CADM2: variants seen among roughly 807,000 people sequenced by gnomAD.
CADM2 encodes the protein immunoglobulin superfamily member 4D.
CADM2 carries 12 observed loss-of-function variants against 49.8 expected under a neutral mutation model. The ratio of observed to expected loss-of-function variants is 0.24; its 90% CI spans 0.15 to 0.39. The LOEUF is 0.39. Among genes scored for constraint, CADM2 ranks in the 10% least tolerant of loss-of-function variants. The pLI, the probability that CADM2 is intolerant of heterozygous loss-of-function variation, is 1.00. For missense variants in CADM2, 378 were observed against 492.3 expected (o/e 0.77, Z 2.20); for synonymous variants, 214 against 175.4 (o/e 1.22, Z -1.74).
chr3:85,906,765 A>T (rs1014797584), intron 5 of CADM2, among the ~76,000 whole-genome samples: 1 of 152,232 alleles, frequency 6.6e-6, no homozygotes, highest in Non-Finnish European at 1.5e-5. Context: ...TATAGCCACT[A>T]TGTTTGGTCT....
chr3:85,876,272 T>G (rs1289887629), intron 3 of CADM2, among the ~76,000 whole-genome samples: 1 of 152,174 alleles, frequency 6.6e-6, no homozygotes, highest in East Asian at 1.9e-4. Context: ...CTATAAAATA[T>G]AATGAATTAT....
chr3:85,277,444 A>G (rs879271282), intron 1 of CADM2, among the ~76,000 whole-genome samples: 1 of 151,332 alleles, frequency 6.6e-6, no homozygotes, highest in Non-Finnish European at 1.5e-5. Context: ...AGTCACTTAT[A>G]TAATACCCAG....
intron 1 of CADM2, among the ~76,000 whole-genome samples, chr3:85,108,385 A>T (rs566146078): frequency 6.6e-6 from 1 of 152,220 alleles, no homozygotes; most frequent in Non-Finnish European, 1.5e-5. Flanking sequence ...AATTTCTGGT[A>T]CATGCTAGGG....
At chr3:85,005,696 A>C (rs933682180) in intron 1 of CADM2, among the ~76,000 whole-genome samples, 4 of 152,086 alleles carry the variant, frequency 2.6e-5, no homozygotes, top group African/African-American at 9.7e-5. Context: ...TCTGATAAAA[A>C]AAAAAATACA....
At chr3:85,872,664 G>A (rs1273421488) in intron 3 of CADM2, among the ~76,000 whole-genome samples, 2 of 149,298 alleles carry the variant, frequency 1.3e-5, no homozygotes, top group Non-Finnish European at 3.0e-5. Context: ...TACATACAAT[G>A]TATACATATT....
At chr3:85,093,746 C>A (rs891321775) in intron 1 of CADM2, among the ~76,000 whole-genome samples, 1 of 152,126 alleles carries the variant, frequency 6.6e-6, no homozygotes, top group African/African-American at 2.4e-5. Context: ...TTAAGTCCTA[C>A]ATCCACTGTA....
intron 1 of CADM2, among the ~76,000 whole-genome samples, chr3:85,603,577 A>G (rs949475967): frequency 1.3e-5 from 2 of 151,780 alleles, no homozygotes; most frequent in African/African-American, 4.8e-5. Flanking sequence ...CAAAGGGGCT[A>G]TTCACTGCTG....
At chr3:85,778,414 G>A (rs2070464888) in intron 2 of CADM2, among the ~76,000 whole-genome samples, 1 of 152,118 alleles carries the variant, frequency 6.6e-6, no homozygotes, top group South Asian at 2.1e-4. Context: ...ATCCCCGCAT[G>A]TCAGGGGAAG....
intron 1 of CADM2, among the ~76,000 whole-genome samples, chr3:85,101,759 T>C (rs1474701947): frequency 2.6e-5 from 4 of 152,230 alleles, no homozygotes; most frequent in African/African-American, 4.8e-5. Flanking sequence ...TCATATTTAA[T>C]GTTTACTTTA....
At chr3:86,056,873 G>T (rs1282505344) in intron 8 of CADM2, among the ~76,000 whole-genome samples, 1 of 152,118 alleles carries the variant, frequency 6.6e-6, no homozygotes, top group Non-Finnish European at 1.5e-5. Flanking sequence ...AGCTTCATGG[G>T]AAAATAAATT....
intron 2 of CADM2, among the ~76,000 whole-genome samples, chr3:85,784,029 C>T (rs1307500262): frequency 2.0e-5 from 3 of 152,166 alleles, no homozygotes; most frequent in Admixed American, 2.0e-4. Context: ...CTATTGATCT[C>T]TCTCTCACAC....
intron 1 of CADM2, among the ~76,000 whole-genome samples, chr3:85,523,987 G>C (rs2061095184): frequency 6.6e-6 from 1 of 152,132 alleles, no homozygotes; most frequent in South Asian, 2.1e-4. Context: ...AATTATTTAG[G>C]GACAGACCTT....
intron 1 of CADM2, among the ~76,000 whole-genome samples, chr3:85,103,158 T>C (rs1392434825): frequency 6.6e-6 from 1 of 152,274 alleles, no homozygotes; most frequent in East Asian, 1.9e-4. Flanking sequence ...TTCTTAATTA[T>C]CTGCAGACTA....
At chr3:86,039,444 C>CATGG in intron 8 of CADM2, among the ~76,000 whole-genome samples, 1 of 152,310 alleles carries the variant, frequency 6.6e-6, no homozygotes, top group South Asian at 2.1e-4. Flanking sequence ...ATATCCCACG[C>CATGG]CTGGCTCAGA....
chr3:85,043,646 T>G (rs2035533817), intron 1 of CADM2, among the ~76,000 whole-genome samples: 1 of 151,934 alleles, frequency 6.6e-6, no homozygotes, highest in Non-Finnish European at 1.5e-5. Flanking sequence ...CCTACTACAC[T>G]CAAGTCTGGG....
intron 1 of CADM2, among the ~76,000 whole-genome samples, chr3:85,484,700 A>G (rs976617080): frequency 6.6e-6 from 1 of 151,994 alleles, no homozygotes. Context: ...GCATAAGGAC[A>G]GTGAGTTTAA....
intron 1 of CADM2, among the ~76,000 whole-genome samples, chr3:85,371,504 ACC>A (rs2033219909): frequency 6.6e-6 from 1 of 151,722 alleles, no homozygotes; most frequent in African/African-American, 2.4e-5. Flanking sequence ...AGTAGGCTAT[ACC>A]ATCTAGGCTT....
chr3:85,102,231 G>A (rs983959438), intron 1 of CADM2, among the ~76,000 whole-genome samples: 10 of 152,078 alleles, frequency 6.6e-5, no homozygotes, highest in Admixed American at 3.3e-4. Context: ...TGACATTTCC[G>A]TTGGTACCTC....
At chr3:85,716,348 GTTGT>G (rs2067292056) in intron 1 of CADM2, among the ~76,000 whole-genome samples, 1 of 152,144 alleles carries the variant, frequency 6.6e-6, no homozygotes, top group Non-Finnish European at 1.5e-5. Context: ...TTTTGATGGG[GTTGT>G]TTGTTTTTTT....
Sources: gnomAD v4.1 joint callset for allele counts (sites outside exome capture counted in the v4.1 genomes callset) on GRCh38, gnomAD v4.1.1 for gene constraint, MANE v1.5 for transcripts, NCBI Gene and HGNC (gene_info 2026-07-23, HGNC 2026-07-21) for gene names.